VPS13B: variants seen among roughly 807,000 people sequenced by gnomAD.
VPS13B encodes vacuolar protein sorting 13 homolog B, also known as intermembrane lipid transfer protein VPS13B.
Under a neutral mutation model 426.4 loss-of-function variants are expected in VPS13B, and 285 were observed. That is an observed-to-expected ratio of 0.67 (90% CI 0.61 to 0.74). The LOEUF (loss-of-function observed/expected upper bound fraction) is 0.74. Ranked by LOEUF, VPS13B falls within the 30% of genes least tolerant of loss-of-function variation. The pLI, the probability that VPS13B is intolerant of heterozygous loss-of-function variation, is 0.00. For synonymous variants in VPS13B, 1,676 were observed against 1,676.4 expected, an observed-to-expected ratio of 1.00 and a Z score of 0.01; for missense variants, 4,537 against 4,782.6, an observed-to-expected ratio of 0.95 and a Z score of 1.51.
chr8:99,262,289 A>T (rs1166854307), intron 17 of VPS13B, among the ~76,000 whole-genome samples: 1 of 152,148 alleles, frequency 6.6e-6, no homozygotes, highest in Non-Finnish European at 1.5e-5. Context: ...TTTTGACTTA[A>T]CCCTAGAATG....
intron 3 of VPS13B, among the ~76,000 whole-genome samples, chr8:99,062,251 A>G (rs1844228934): frequency 6.6e-6 from 1 of 152,204 alleles, no homozygotes; most frequent in African/African-American, 2.4e-5. Flanking sequence ...TCTAACATTT[A>G]TAATACAAAT....
chr8:99,785,250 A>C (rs1410929692), intron 43 of VPS13B, among the ~76,000 whole-genome samples: 1 of 152,074 alleles, frequency 6.6e-6, no homozygotes, highest in African/African-American at 2.4e-5. Flanking sequence ...TATTTGTTAA[A>C]CTCTGGGTAA....
chr8:99,542,324 G>T (rs1230735021), intron 30 of VPS13B, among the ~76,000 whole-genome samples: 6 of 152,150 alleles, frequency 3.9e-5, no homozygotes, highest in Non-Finnish European at 8.8e-5. Flanking sequence ...CTTGATTATG[G>T]TTAGTGGATA....
At chr8:99,122,838 C>T (rs929930577) in intron 8 of VPS13B, among the ~76,000 whole-genome samples, 2 of 151,916 alleles carry the variant, frequency 1.3e-5, no homozygotes, top group African/African-American at 2.4e-5. Flanking sequence ...GGGGGCCAGA[C>T]GTGGTGGCTC....
intron 19 of VPS13B, among the ~76,000 whole-genome samples, chr8:99,308,152 CT>C (rs1041676992): frequency 1.6e-4 from 24 of 149,948 alleles, no homozygotes; most frequent in Middle Eastern, 3.4e-3. Flanking sequence ...TTCGTTTAGA[CT>C]TTTTTTTTGT....
At chr8:99,438,302 T>C (rs1473084054) in intron 22 of VPS13B, among the ~76,000 whole-genome samples, 2 of 152,162 alleles carry the variant, frequency 1.3e-5, no homozygotes, top group African/African-American at 4.8e-5. Context: ...TGACTAGTGA[T>C]GAAAAAAGTC....
chr8:99,279,798 C>T (rs1819073300), intron 19 of VPS13B, among the ~76,000 whole-genome samples: 1 of 151,392 alleles, frequency 6.6e-6, no homozygotes, highest in Admixed American at 6.6e-5. Flanking sequence ...GATATGGAGT[C>T]TCGTACTGTC....
intron 24 of VPS13B, among the ~76,000 whole-genome samples, chr8:99,474,950 C>G (rs926645980): frequency 6.6e-6 from 1 of 152,102 alleles, no homozygotes; most frequent in Admixed American, 6.6e-5. Context: ...ACATGTTTAT[C>G]ATCAGGTGAA....
intron 31 of VPS13B, among the ~76,000 whole-genome samples, chr8:99,557,415 T>C (rs1455918374): frequency 1.3e-5 from 2 of 152,090 alleles, no homozygotes; most frequent in African/African-American, 4.8e-5. Context: ...CATTCCTGAG[T>C]TACTTCCCTT....
chr8:99,423,773 G>A (rs1034465447), intron 21 of VPS13B, among the ~76,000 whole-genome samples: 1 of 152,174 alleles, frequency 6.6e-6, no homozygotes, highest in Non-Finnish European at 1.5e-5. Flanking sequence ...TGGTCTGAGA[G>A]ACAGTTTGTT....
At chr8:99,383,908 T>G (rs983387703) in intron 19 of VPS13B, among the ~76,000 whole-genome samples, 1 of 152,238 alleles carries the variant, frequency 6.6e-6, no homozygotes, top group Admixed American at 6.5e-5. Context: ...TTACGAATTA[T>G]GCTGATATGA....
At chr8:99,831,346 C>T (rs1264535515) in intron 51 of VPS13B, among the ~76,000 whole-genome samples, 1 of 152,084 alleles carries the variant, frequency 6.6e-6, no homozygotes, top group Non-Finnish European at 1.5e-5. Context: ...GCTAGGATTA[C>T]AGACATGAGC....
At chr8:99,874,819 T>C (rs549435433) in intron 61 of VPS13B, among the ~76,000 whole-genome samples, 1 of 152,322 alleles carries the variant, frequency 6.6e-6, no homozygotes, top group African/African-American at 2.4e-5. Context: ...CCTCTTTTTT[T>C]CCATAAAAAT....
intron 21 of VPS13B, among the ~76,000 whole-genome samples, chr8:99,421,040 A>T (rs1167762898): frequency 6.6e-6 from 1 of 152,148 alleles, no homozygotes; most frequent in Non-Finnish European, 1.5e-5. Flanking sequence ...TCTTGATACT[A>T]CACATATTTT....
At chr8:99,366,239 C>T (rs1812881673) in intron 19 of VPS13B, among the ~76,000 whole-genome samples, 3 of 152,012 alleles carry the variant, frequency 2.0e-5, no homozygotes, top group Admixed American at 1.3e-4. Flanking sequence ...CTTTCTAGCT[C>T]TAATAATATT....
At chr8:99,160,932 C>CT (rs1811615846) in intron 15 of VPS13B, among the ~76,000 whole-genome samples, 1 of 152,072 alleles carries the variant, frequency 6.6e-6, no homozygotes, top group Non-Finnish European at 1.5e-5. Context: ...TTTGCAAAGC[C>CT]TTTTTTCTCA....
chr8:99,138,125 A>G (rs1362021248), intron 12 of VPS13B, among the ~76,000 whole-genome samples: 1 of 152,042 alleles, frequency 6.6e-6, no homozygotes. Flanking sequence ...CATCATCTCT[A>G]GATTCTAATA....
intron 17 of VPS13B, among the ~76,000 whole-genome samples, chr8:99,214,127 T>A (rs1815263028): frequency 6.6e-6 from 1 of 152,226 alleles, no homozygotes; most frequent in African/African-American, 2.4e-5. Flanking sequence ...AACTTTTGCC[T>A]TCTATCCAAT....
intron 3 of VPS13B, among the ~76,000 whole-genome samples, chr8:99,048,495 G>T (rs1843347076): frequency 1.3e-5 from 2 of 152,064 alleles, no homozygotes; most frequent in African/African-American, 4.8e-5. Flanking sequence ...TTGTTTCTTA[G>T]ATCTGGTAGT....
Sources: allele counts gnomAD v4.1 joint callset (sites outside exome capture counted in the v4.1 genomes callset), GRCh38; gene constraint gnomAD v4.1.1; transcripts MANE v1.5; gene names NCBI Gene and HGNC (gene_info 2026-07-23, HGNC 2026-07-21).